The following PANX1 variants were observed in gnomAD, a reference collection of about 807,000 sequenced individuals.
The protein encoded by PANX1 is pannexin 1.
PANX1 carries 30 observed loss-of-function variants against 38.7 expected under a neutral mutation model. The ratio of observed to expected loss-of-function variants is 0.78; its 90% confidence interval spans 0.58 to 1.05. The LOEUF is 1.05. Among genes scored for constraint, PANX1 ranks in the 50% least tolerant of loss-of-function variants. PANX1 has a pLI of 0.00. For synonymous variants in PANX1, 230 were observed against 212.2 expected (o/e 1.08, Z -0.73); for missense variants, 551 against 517.2 (o/e 1.07, Z -0.63).
chr11:94,139,523 C>G (rs1336440484), intron 1 of PANX1, among the ~76,000 whole-genome samples: 3 of 152,214 alleles, frequency 2.0e-5, no homozygotes, highest in African/African-American at 7.2e-5. Flanking sequence ...TCCCAGCACT[C>G]TGCTGATGAG....
rs929646906 is a variant in PANX1 at position 94,153,482 on chromosome 11, G to A, written c.182-9G>A. ...GTTTTCATTGGAAACTATCTGTTTT[G>A]CTTCTTAGGTACACAGATAAGCTGT... On this transcript the variant is annotated splice_polypyrimidine_tract_variant and intron_variant, in intron 1 of 4. Transcript: ENST00000227638. 3.1e-6 allele frequency: 5 copies of A among 1,613,540 alleles called. No individual in the cohort carries two copies. Among genetic ancestry groups the A allele is most frequent in the Non-Finnish European group, 4.2e-6 (5 of 1,179,778 alleles).
chr11:94,161,900 G>T (rs1381910457), intron 2 of PANX1, among the ~76,000 whole-genome samples: 1 of 152,186 alleles, frequency 6.6e-6, no homozygotes, highest in East Asian at 1.9e-4. Flanking sequence ...GAATTTTGGT[G>T]TGGATGTCCT....
Position 94,181,856 on chromosome 11 carries a change from G to C in PANX1, c.*987G>C, listed in dbSNP as rs1375009560. 1.3e-5 allele frequency: 2 copies of C among 152,292 alleles called. No homozygotes were observed. Among genetic ancestry groups the C allele is most frequent in the East Asian group, 3.9e-4 (2 of 5,190 alleles). The allele number at this position is 152,292 out of a possible 1,614,324, so 9.4% of individuals were successfully genotyped here. A position where few individuals can be genotyped will look rare whatever the true frequency, so the allele number is the denominator to read the frequency against. On this transcript the variant is annotated 3_prime_UTR_variant, in exon 5 of 5. Coordinates refer to ENST00000227638, the MANE Select transcript of PANX1 (RefSeq NM_015368.4). The stretch of plus-strand genomic sequence containing the variant: ...TTTATTTTGTTTATATTTAAGCACA[G>C]CTTTAAAAAATTCATTATCGTTTAT...
chr11:94,179,572 T>G (rs748237822), intron 3 of PANX1, 30 bp from the exon 4 acceptor site: 1 of 1,559,334 alleles, frequency 6.4e-7, no homozygotes, highest in South Asian at 1.1e-5. Flanking sequence ...GATGAGTGCC[T>G]AAGTTATTTT....
At chr11:94,150,908 C>A (rs1946876934) in intron 1 of PANX1, among the ~76,000 whole-genome samples, 1 of 152,162 alleles carries the variant, frequency 6.6e-6, no homozygotes, top group Non-Finnish European at 1.5e-5. Context: ...CCCAGGAGCT[C>A]CTCCAGGGTG....
chr11:94,161,663 C>T (rs551752073), intron 2 of PANX1, among the ~76,000 whole-genome samples: 7 of 152,208 alleles, frequency 4.6e-5, no homozygotes, highest in South Asian at 2.1e-4. Flanking sequence ...GCCATTGGTT[C>T]GAACTTCCTC....
At chr11:94,158,650 T>A (rs1049586598) in intron 2 of PANX1, among the ~76,000 whole-genome samples, 15 of 152,344 alleles carry the variant, frequency 9.8e-5, no homozygotes, top group African/African-American at 3.1e-4. Context: ...GATTTTGGGC[T>A]GAGACAATGG....
At chr11:94,175,067 TC>T (rs2134521818) in intron 2 of PANX1, among the ~76,000 whole-genome samples, 1 of 151,832 alleles carries the variant, frequency 6.6e-6, no homozygotes, top group South Asian at 2.1e-4. Context: ...ATGCTGAGCA[TC>T]CCAGGCCTAA....
chr11:94,144,739 C>T (rs983487491), intron 1 of PANX1, among the ~76,000 whole-genome samples: 8 of 152,152 alleles, frequency 5.3e-5, no homozygotes, highest in African/African-American at 1.7e-4. Context: ...CTTCTCTCCT[C>T]CCTGGCCATT....
At chr11:94,178,229 G>C (rs1848431393) in intron 2 of PANX1, 140 bp from the exon 3 acceptor site, 3 of 650,252 alleles carry the variant, frequency 4.6e-6, no homozygotes, top group Non-Finnish European at 8.2e-6. Flanking sequence ...TTAGCCATAA[G>C]AAGTAGTTAT....
intron 2 of PANX1, among the ~76,000 whole-genome samples, chr11:94,167,436 A>G (rs192577991): frequency 2.6e-5 from 4 of 152,212 alleles, no homozygotes; most frequent in African/African-American, 9.6e-5. Flanking sequence ...CAATTCAGCC[A>G]TTTTGCTCTG....
Position 94,153,514 on chromosome 11 carries a change from C to G in PANX1, c.205C>G (p.Pro69Ala). The G allele has an allele frequency of 6.2e-7, 1 of 1,614,142 alleles. No homozygotes were observed. Among genetic ancestry groups the G allele is most frequent in the Non-Finnish European group, 8.5e-7 (1 of 1,180,004 alleles). ...SIGTQISCFS[P>A]SSFSWRQAAF... The stretch of plus-strand genomic sequence containing the variant: ...AGGTACACAGATAAGCTGTTTCTCT[C>G]CAAGTTCTTTCTCCTGGCGTCAGGC... Residue 69 changes from proline to alanine, a missense_variant, in exon 2 of 5, where the codon CCA becomes GCA. Pro to Ala is a conservative substitution (Grantham distance 27). Transcript: ENST00000227638.
chr11:94,179,778 C>T lies in PANX1; in HGVS notation c.722C>T (p.Ser241Leu). The T allele has an allele frequency of 1.2e-6, 2 of 1,614,166 alleles. No homozygotes were observed. Among genetic ancestry groups the T allele is most frequent in the Non-Finnish European group, 1.7e-6 (2 of 1,180,024 alleles). ...TATTACTTCAGCCTCTCCTCACTCT[C>T]AGACGAGTTTGTGTGCAGCATCAAA... ...LGYYFSLSSL[S>L]DEFVCSIKSG... is the part of the protein sequence containing the mutation. The change falls in exon 4 of 5, where the codon TCA (serine) becomes TTA (leucine). Residue 241 changes from serine (S) to leucine (L), a missense_variant. Transcript: ENST00000227638.
At chr11:94,177,564 G>A (rs75500319) in intron 2 of PANX1, among the ~76,000 whole-genome samples, 2 of 152,184 alleles carry the variant, frequency 1.3e-5, no homozygotes, top group African/African-American at 4.8e-5. Context: ...TGCACTGACT[G>A]CAATTTACGG....
intron 1 of PANX1, among the ~76,000 whole-genome samples, chr11:94,134,662 CCCTCTT>C (rs1424387492): frequency 6.9e-6 from 1 of 143,964 alleles, no homozygotes; most frequent in African/African-American, 2.6e-5. Flanking sequence ...TCTCCCCCCT[CCCTCTT>C]CCTCCTTCTC....
At chr11:94,180,721 GA>G in intron 4 of PANX1, 68 bp from the exon 5 acceptor site, 1 of 900,524 alleles carries the variant, frequency 1.1e-6, no homozygotes. Context: ...TTTGGCAGAA[GA>G]AAAATTGATT....
rs143003831 is a variant in PANX1, at chr11:94,170,134, C to G, written c.322-8235C>G. Among the ~76,000 whole-genome samples, 138 of 151,696 alleles carry G rather than the reference C, an allele frequency of 9.1e-4. 7 individuals carry two copies. Among genetic ancestry groups the G allele is most frequent in the African/African-American group, 3.2e-3 (132 of 41,064 alleles). The stretch of plus-strand genomic sequence containing the variant: ...GGCATTAAGTACATTTACATTGTTG[C>G]GAAACCATCGCCATTACCCATCTCC... On this transcript the variant is annotated intron_variant, in intron 2 of 4. Transcript: ENST00000227638.
intron 1 of PANX1, among the ~76,000 whole-genome samples, chr11:94,142,817 C>G (rs564440451): frequency 6.6e-6 from 1 of 152,340 alleles, no homozygotes; most frequent in Middle Eastern, 3.4e-3. Context: ...GGGAGAATAC[C>G]TGTGCTCTGT....
intron 2 of PANX1, among the ~76,000 whole-genome samples, chr11:94,155,486 C>T (rs1946939499): frequency 1.3e-5 from 2 of 151,992 alleles, no homozygotes; most frequent in African/African-American, 2.4e-5. Context: ...TGCACTCCAG[C>T]ATGGGCAACA....
Sources: gnomAD v4.1 joint callset for allele counts (sites outside exome capture counted in the v4.1 genomes callset) on GRCh38, gnomAD v4.1.1 for gene constraint, MANE v1.5 for transcripts, NCBI Gene and HGNC (gene_info 2026-07-23, HGNC 2026-07-21) for gene names.